The following SMC2 variants were observed in gnomAD, a reference collection of about 807,000 sequenced individuals.
SMC2 encodes structural maintenance of chromosomes protein 2.
In SMC2, 41 loss-of-function variants were observed where a neutral mutation model predicts 142.6. The observed-to-expected ratio is 0.29, with a 90% confidence interval of 0.22 to 0.37. SMC2 has a LOEUF of 0.37. Among genes scored for constraint, SMC2 ranks in the 10% least tolerant of loss-of-function variants. SMC2 has a pLI of 1.00. For synonymous variants in SMC2, 463 were observed against 457.5 expected (o/e 1.01, Z -0.15); for missense variants, 1,265 against 1,373.7 (o/e 0.92, Z 1.25).
Position 104,113,379 on chromosome 9 carries a change from A to G in SMC2, c.1318A>G (p.Met440Val). The part of the protein sequence containing the change: ...LKNKQAEVKK[M>V]DSGYRKDQEA... ...GAATAAACAAGCTGAAGTTAAGAAG[A>G]TGGATAGTGGCTACAGGAAGGATCA... Residue 440 changes from methionine to valine, a missense_variant, in exon 11 of 25, where the codon ATG becomes GTG. Transcript: ENST00000374793. The G allele has an allele frequency of 6.2e-7, 1 of 1,612,214 alleles. No individual in the cohort carries two copies. The highest frequency in any genetic ancestry group is 1.3e-5 in the African/African-American group (1 of 74,966).
intron 3 of SMC2, among the ~76,000 whole-genome samples, chr9:104,096,880 C>T (rs182638598): frequency 1.0e-3 from 155 of 152,296 alleles, no homozygotes; most frequent in African/African-American, 3.6e-3. Context: ...TCCAGTTTCC[C>T]TCCCTGCTCC....
At chr9:104,107,110 A>G (rs900286878) in intron 9 of SMC2, among the ~76,000 whole-genome samples, 14 of 152,176 alleles carry the variant, frequency 9.2e-5, no homozygotes, top group Non-Finnish European at 2.9e-5. Context: ...TGGGGTTCCA[A>G]CTGGGCTTGA....
intron 22 of SMC2, among the ~76,000 whole-genome samples, chr9:104,134,054 T>C (rs1052309603): frequency 6.6e-6 from 1 of 152,122 alleles, no homozygotes; most frequent in African/African-American, 2.4e-5. Context: ...ATTCCTGCAG[T>C]GTGTTCTACA....
intron 9 of SMC2, among the ~76,000 whole-genome samples, chr9:104,103,564 T>C (rs1203200179): frequency 6.6e-6 from 1 of 152,110 alleles, no homozygotes; most frequent in Non-Finnish European, 1.5e-5. Flanking sequence ...AACTAGTGTA[T>C]AGAGGAGGTC....
chr9:104,103,575 G>A (rs61527179), intron 9 of SMC2, among the ~76,000 whole-genome samples: 8,596 of 152,198 alleles, frequency 0.056, 642 homozygotes, highest in African/African-American at 0.18. Flanking sequence ...AGAGGAGGTC[G>A]CCTTCGCGAG....
intron 23 of SMC2, among the ~76,000 whole-genome samples, chr9:104,137,226 G>A (rs1301090927): frequency 9.9e-5 from 15 of 151,910 alleles, no homozygotes. Context: ...TACAGAATAA[G>A]TATATTACAA....
At chr9:104,137,685 G>A (rs1835697495) in intron 23 of SMC2, among the ~76,000 whole-genome samples, 1 of 151,994 alleles carries the variant, frequency 6.6e-6, no homozygotes, top group African/African-American at 2.4e-5. Flanking sequence ...TGCTACCTAG[G>A]CTCTAATGAG....
intron 18 of SMC2, among the ~76,000 whole-genome samples, chr9:104,126,150 G>C (rs141496098): frequency 3.3e-5 from 5 of 152,168 alleles, no homozygotes; most frequent in Admixed American, 2.6e-4. Flanking sequence ...AGATGGGGTG[G>C]TTTTATCCTG....
chr9:104,097,554 C>T (rs1394330974), intron 3 of SMC2, among the ~76,000 whole-genome samples: 1 of 147,770 alleles, frequency 6.8e-6, no homozygotes, highest in African/African-American at 2.5e-5. Context: ...AGGACAGAAT[C>T]CTGTTCCATG....
At chr9:104,118,694 A>T (rs1833398970) in intron 15 of SMC2, among the ~76,000 whole-genome samples, 1 of 136,230 alleles carries the variant, frequency 7.3e-6, no homozygotes. Context: ...ACTGTATACC[A>T]GACAGTGTTC....
chr9:104,120,227 TTTTA>T, intron 16 of SMC2, 65 bp downstream of exon 16: 2 of 1,410,776 alleles, frequency 1.4e-6, no homozygotes, highest in Non-Finnish European at 9.5e-7. Context: ...GAAAATTTAC[TTTTA>T]TTTCAAGAAA....
At chr9:104,116,128 T>A in intron 13 of SMC2, 72 bp from the exon 14 acceptor site, 1 of 1,347,000 alleles carries the variant, frequency 7.4e-7, no homozygotes, top group Non-Finnish European at 1.0e-6. Context: ...TATTATAGAC[T>A]ACTAAACTTG....
chr9:104,117,439 G>A (rs1261733022), intron 14 of SMC2, among the ~76,000 whole-genome samples: 1 of 152,176 alleles, frequency 6.6e-6, no homozygotes, highest in Non-Finnish European at 1.5e-5. Flanking sequence ...ATGGGCAGAG[G>A]TAGCCTCTAT....
chr9:104,106,719 G>A (rs937247804), intron 9 of SMC2, among the ~76,000 whole-genome samples: 3 of 152,096 alleles, frequency 2.0e-5, no homozygotes, highest in African/African-American at 7.2e-5. Flanking sequence ...TTTAGCATTC[G>A]AGTCACTAAG....
chr9:104,125,226 T>C, intron 18 of SMC2, 121 bp downstream of exon 18: 1 of 712,702 alleles, frequency 1.4e-6, no homozygotes, highest in Non-Finnish European at 2.3e-6. Flanking sequence ...AAGGGAGCAG[T>C]GTTCTTTGGA....
chr9:104,122,606 A>C (rs1833859335), intron 16 of SMC2, among the ~76,000 whole-genome samples: 1 of 152,168 alleles, frequency 6.6e-6, no homozygotes, highest in Non-Finnish European at 1.5e-5. Flanking sequence ...GAACAGGGAT[A>C]GAATTACAAA....
At chr9:104,114,917 T>A in intron 13 of SMC2, 88 bp downstream of exon 13, 1 of 1,129,144 alleles carries the variant, frequency 8.9e-7, no homozygotes, top group Non-Finnish European at 1.2e-6. Flanking sequence ...TTTGATGTTT[T>A]AAGGCTCTCC....
chr9:104,139,874 C>T lies in SMC2; in HGVS notation c.*559C>T, dbSNP rs1306843148. Reference sequence around the variant, plus strand: ...GATAGGAAACAGATCTTGAAAGAATCCTTATTTTAATGATACATGAATATC... The same window carrying T: ...GATAGGAAACAGATCTTGAAAGAATTCTTATTTTAATGATACATGAATATC... On this transcript the variant is annotated 3_prime_UTR_variant, in exon 25 of 25. Coordinates refer to ENST00000374793, the MANE Select transcript of SMC2 (RefSeq NM_006444.3). 6.6e-6 allele frequency: 1 copy of T among 152,064 alleles called. No homozygotes were observed. The highest frequency in any genetic ancestry group is 1.5e-5 in the Non-Finnish European group (1 of 68,046). 9.4% of individuals were successfully genotyped at this position (152,064 alleles called of 1,614,324 possible). A position where few individuals can be genotyped will look rare whatever the true frequency, so the allele number is the denominator to read the frequency against.
intron 11 of SMC2, 79 bp downstream of exon 11, chr9:104,113,554 C>T: frequency 1.7e-6 from 2 of 1,151,644 alleles, no homozygotes; most frequent in South Asian, 3.8e-5. Context: ...ATAAAGAACG[C>T]AAGCAAGTAG....
Sources: gnomAD v4.1 joint callset for allele counts (sites outside exome capture counted in the v4.1 genomes callset) on GRCh38, gnomAD v4.1.1 for gene constraint, MANE v1.5 for transcripts, NCBI Gene and HGNC (gene_info 2026-07-23, HGNC 2026-07-21) for gene names.